Variants in DYNC2H1 observed in about 807,000 individuals in gnomAD.
DYNC2H1 encodes the protein dynein cytoplasmic 2 heavy chain 1, also known as cytoplasmic dynein 2 heavy chain 1.
DYNC2H1 carries 410 observed loss-of-function variants against 570.0 expected under a neutral mutation model. The ratio of observed to expected loss-of-function variants is 0.72; its 90% CI spans 0.66 to 0.78. The LOEUF (loss-of-function observed/expected upper bound fraction) is 0.78. Among genes scored for constraint, DYNC2H1 ranks in the 30% least tolerant of loss-of-function variants. The pLI is 0.00. For missense variants in DYNC2H1, 4,865 were observed against 5,046.4 expected (o/e 0.96, Z 1.09); for synonymous variants, 1,688 against 1,677.6 (o/e 1.01, Z -0.15).
intron 76 of DYNC2H1, 123 bp from the exon 77 acceptor site, chr11:103,304,472 C>A: frequency 1.8e-6 from 2 of 1,088,580 alleles, no homozygotes; most frequent in Non-Finnish European, 2.4e-6. Flanking sequence ...ATTCTTCTTC[C>A]AAATTTATTA....
In DYNC2H1 at chr11:103,158,728, T is replaced by A; in HGVS notation, c.4179T>A (p.Thr1393=). The part of the protein sequence containing the change: ...KKDNRVTTLT[T]HAGIRNSLLT... Reference sequence around the variant, plus strand: ...ACAATAGAGTCACAACATTAACTACTCATGCTGGAATAAGAAATTCTCTAC... The same window carrying A: ...ACAATAGAGTCACAACATTAACTACACATGCTGGAATAAGAAATTCTCTAC... The change falls in exon 27 of 89, where the codon ACT becomes ACA. Residue 1393 remains threonine (T), a synonymous_variant. Coordinates refer to ENST00000375735, the MANE Select transcript of DYNC2H1 (RefSeq NM_001377.3). The A allele has an allele frequency of 6.5e-7, 1 of 1,528,586 alleles. No individual in the cohort carries two copies. The highest frequency in any genetic ancestry group is 8.9e-7 in the Non-Finnish European group (1 of 1,128,564). 94.7% of individuals were successfully genotyped at this position (1,528,586 alleles called of 1,614,324 possible).
chr11:103,449,068 G>A (rs1944515035), intron 85 of DYNC2H1, among the ~76,000 whole-genome samples: 1 of 152,186 alleles, frequency 6.6e-6, no homozygotes, highest in South Asian at 2.1e-4. Flanking sequence ...ACCTAAAGGA[G>A]GTAAGGGAAT....
intron 87 of DYNC2H1, among the ~76,000 whole-genome samples, chr11:103,466,493 C>T (rs1008358702): frequency 6.6e-6 from 1 of 152,004 alleles, no homozygotes; most frequent in Non-Finnish European, 1.5e-5. Flanking sequence ...ATACTAGTAT[C>T]TTGTATAACT....
chr11:103,340,287 A>G (rs765654765), intron 82 of DYNC2H1, among the ~76,000 whole-genome samples: 2 of 151,392 alleles, frequency 1.3e-5, no homozygotes, highest in Non-Finnish European at 2.9e-5. Context: ...ACAAACATGT[A>G]TTTTTTTTTC....
intron 83 of DYNC2H1, among the ~76,000 whole-genome samples, chr11:103,396,834 G>A (rs1439451762): frequency 1.3e-5 from 2 of 152,162 alleles, no homozygotes; most frequent in Non-Finnish European, 2.9e-5. Flanking sequence ...AGCAATATGG[G>A]TGGAGCTGAA....
chr11:103,185,058 C>T lies in DYNC2H1; in HGVS notation c.6633+7C>T. On this transcript the variant is annotated splice_region_variant and intron_variant, in intron 41 of 88. Coordinates refer to ENST00000375735, the MANE Select transcript of DYNC2H1 (RefSeq NM_001377.3). The surrounding 1 kb of genome is among the most constrained non-coding windows in gnomAD (Gnocchi z 4.5). ...TTTGGAATTTACCAAAGAGGTAATG[C>T]ATATTTATAGCCTATATTTAGTCAA... 6.2e-7 allele frequency: 1 copy of T among 1,607,934 alleles called. No homozygotes were observed.
At chr11:103,371,389 C>T (rs1316100098) in intron 83 of DYNC2H1, among the ~76,000 whole-genome samples, 1 of 152,058 alleles carries the variant, frequency 6.6e-6, no homozygotes, top group Non-Finnish European at 1.5e-5. Context: ...AAAGTTTATT[C>T]AAAAGGATAA....
chr11:103,114,156 A>G lies in DYNC2H1; in HGVS notation c.420A>G (p.Glu140=). The G allele has an allele frequency of 6.2e-7, 1 of 1,608,842 alleles. No homozygotes were observed. Among genetic ancestry groups the G allele is most frequent in the Middle Eastern group, 1.7e-4 (1 of 6,026 alleles). Residue 140 remains glutamate (E), a synonymous_variant, in exon 3 of 89, where the codon GAA becomes GAG. Transcript: ENST00000375735. ...FDPKLQNLLS[E]LEAGLGIVLR... is the part of the protein sequence containing the mutation. The stretch of plus-strand genomic sequence containing the variant: ...CCAAACTTCAGAATCTTTTGAGTGA[A>G]CTAGAAGCTGGGTTGGGTATAGTTC...
At position 103,117,852 on chromosome 11, in the gene DYNC2H1, C is replaced by A; in HGVS notation, c.988C>A (p.Arg330Ser). 1 of 1,610,370 alleles carries A rather than the reference C, an allele frequency of 6.2e-7. No individual in the cohort carries two copies. Among genetic ancestry groups the A allele is most frequent in the East Asian group, 2.2e-5 (1 of 44,826 alleles). ...FPETLDKLGK[R>S]LEEVLAIRTI... ...AGAAACACTTGACAAACTTGGCAAA[C>A]GCCTTGAAGAGGTATCAATTTGATT... The change falls in exon 6 of 89, where the codon CGC becomes AGC. Residue 330 changes from arginine (R) to serine (S), a missense_variant. By Grantham distance (110) the Arg-to-Ser change is moderately radical. Coordinates refer to ENST00000375735, the MANE Select transcript of DYNC2H1 (RefSeq NM_001377.3).
intron 82 of DYNC2H1, among the ~76,000 whole-genome samples, chr11:103,333,263 G>T (rs1370801633): frequency 6.6e-6 from 1 of 152,074 alleles, no homozygotes; most frequent in Non-Finnish European, 1.5e-5. Context: ...TTTATGTGTT[G>T]TTTGTTTCTT....
At chr11:103,442,538 C>CT (rs1284723910) in intron 85 of DYNC2H1, among the ~76,000 whole-genome samples, 1 of 152,064 alleles carries the variant, frequency 6.6e-6, no homozygotes, top group African/African-American at 2.4e-5. Context: ...GTATGGCCAA[C>CT]TATCTTGCAC....
At chr11:103,318,610 G>GAT (rs1482425706) in intron 80 of DYNC2H1, among the ~76,000 whole-genome samples, 1 of 152,084 alleles carries the variant, frequency 6.6e-6, no homozygotes, top group Non-Finnish European at 1.5e-5. Flanking sequence ...TGAATATATA[G>GAT]ATATATTTCT....
intron 72 of DYNC2H1, 149 bp from the exon 73 acceptor site, chr11:103,282,859 C>T: frequency 1.8e-6 from 1 of 565,468 alleles, no homozygotes; most frequent in Non-Finnish European, 3.1e-6. Context: ...TAGAATTTTA[C>T]CATGGTGACT....
Position 103,321,256 on chromosome 11 carries a change from T to G in DYNC2H1, c.11934+19T>G, listed in dbSNP as rs750923948. On this transcript the variant is annotated intron_variant, in intron 81 of 88. Transcript: ENST00000375735. ...CATTTTGGTAGGTAAAATGAATGAT[T>G]TTCAATCTATTTCCAGGTAGATACG... 13 of 1,573,928 alleles carry G rather than the reference T, an allele frequency of 8.3e-6. No individual in the cohort carries two copies. In the South Asian group the frequency reaches 1.4e-4, roughly 17 times the overall value.
In DYNC2H1 at chr11:103,241,435, C is replaced by T; in HGVS notation, c.9820-2258C>T. ...AGACGTAAAATAAGATGACAACAAA[C>T]TTTTAAGTACCCTTTGAAAAACTTA... On this transcript the variant is annotated intron_variant, in intron 63 of 88. Coordinates refer to ENST00000375735, the MANE Select transcript of DYNC2H1 (RefSeq NM_001377.3). The surrounding 1 kb of genome is among the most constrained non-coding windows in gnomAD (Gnocchi z 5.1). 8.5e-7 allele frequency: 1 copy of T among 1,169,950 alleles called. No homozygotes were observed. Among genetic ancestry groups the T allele is most frequent in the South Asian group, 1.4e-5 (1 of 72,814 alleles). 72.5% of individuals were successfully genotyped at this position (1,169,950 alleles called of 1,614,324 possible). A position where few individuals can be genotyped will look rare whatever the true frequency, so the allele number is the denominator to read the frequency against.
At position 103,279,266 on chromosome 11, in the gene DYNC2H1, C is replaced by T. The variant is rs114201980; in HGVS notation, c.10696-1082C>T. Among the ~76,000 whole-genome samples the T allele has an allele frequency of 3.4e-3, 524 of 152,124 alleles. 3 individuals are homozygous for T. Among genetic ancestry groups the T allele is most frequent in the African/African-American group, 0.011 (477 of 41,510 alleles). On this transcript the variant is annotated intron_variant, in intron 70 of 88. Transcript: ENST00000375735. ...CTCAATTTTGTATGCCATATATAAACTTGTGGCTCTTATTTAATTTAATAT... is the reference window on the plus strand; with the variant it reads ...CTCAATTTTGTATGCCATATATAAATTTGTGGCTCTTATTTAATTTAATAT...
At chr11:103,362,913 C>T (rs1940726499) in intron 83 of DYNC2H1, among the ~76,000 whole-genome samples, 1 of 152,072 alleles carries the variant, frequency 6.6e-6, no homozygotes, top group South Asian at 2.1e-4. Context: ...CACCTGTAGT[C>T]CCAGCTACTT....
At chr11:103,417,296 T>C (rs1943320512) in intron 84 of DYNC2H1, among the ~76,000 whole-genome samples, 1 of 151,728 alleles carries the variant, frequency 6.6e-6, no homozygotes. Context: ...GTCAGGGGGG[T>C]TTCACCATGT....
At position 103,145,129 on chromosome 11, in the gene DYNC2H1, C is replaced by A. The variant is rs1439858983; in HGVS notation, c.2702+1734C>A. ...CTCTTGACCTCAGGTGATCTGCCCA[C>A]CTTGGCCTCCCAGAGTGCTGGGATT... On this transcript the variant is annotated intron_variant, in intron 18 of 88. Coordinates refer to ENST00000375735, the MANE Select transcript of DYNC2H1 (RefSeq NM_001377.3). The surrounding 1 kb of genome is among the most constrained non-coding windows in gnomAD (Gnocchi z 4.2). 1.3e-5 allele frequency among the ~76,000 whole-genome samples: 2 copies of A among 152,108 alleles called. No individual in the cohort carries two copies. Among genetic ancestry groups the A allele is most frequent in the East Asian group, 3.9e-4 (2 of 5,178 alleles).
Sources: allele counts gnomAD v4.1 joint callset (sites outside exome capture counted in the v4.1 genomes callset), GRCh38; gene constraint gnomAD v4.1.1; non-coding constraint Gnocchi (gnomAD v3.1); transcripts MANE v1.5; gene names NCBI Gene and HGNC (gene_info 2026-07-23, HGNC 2026-07-21).